The following ARHGEF12 variants were observed in gnomAD, a reference collection of about 807,000 sequenced individuals.
ARHGEF12 encodes Rho guanine nucleotide exchange factor 12, also known as KMT2A/ARHGEF12 fusion protein.
ARHGEF12 carries 66 observed loss-of-function variants against 211.2 expected under a neutral mutation model. The observed-to-expected ratio is 0.31, with a 90% confidence interval of 0.26 to 0.38. ARHGEF12 has a LOEUF of 0.38. Among genes scored for constraint, ARHGEF12 ranks in the 10% least tolerant of loss-of-function variants. ARHGEF12 has a pLI of 1.00. For missense variants in ARHGEF12, 1,429 were observed against 1,869.5 expected, an observed-to-expected ratio of 0.76 and a Z score of 4.34; for synonymous variants, 592 against 638.4, an observed-to-expected ratio of 0.93 and a Z score of 1.09.
chr11:120,387,559 T>C (rs1944076848), intron 1 of ARHGEF12, among the ~76,000 whole-genome samples: 1 of 152,112 alleles, frequency 6.6e-6, no homozygotes, highest in South Asian at 2.1e-4. Context: ...AGGAACTAAG[T>C]GTAAGAATCT....
At chr11:120,416,882 C>T (rs558706229) in intron 4 of ARHGEF12, among the ~76,000 whole-genome samples, 44 of 152,294 alleles carry the variant, frequency 2.9e-4, no homozygotes, top group African/African-American at 1.0e-3. Context: ...AATCTCTTGA[C>T]TTCGTGATCC....
At chr11:120,451,828 T>A (rs1946224014) in intron 22 of ARHGEF12, 104 bp downstream of exon 22, 2 of 1,068,656 alleles carry the variant, frequency 1.9e-6, no homozygotes. Flanking sequence ...AATCCCAGTT[T>A]AATTTAATTT....
At chr11:120,414,028 T>C (rs1944958087) in intron 4 of ARHGEF12, among the ~76,000 whole-genome samples, 1 of 152,184 alleles carries the variant, frequency 6.6e-6, no homozygotes, top group Admixed American at 6.5e-5. Context: ...AATATGATCA[T>C]TGGTAATTAT....
intron 1 of ARHGEF12, among the ~76,000 whole-genome samples, chr11:120,403,656 T>C (rs1944609694): frequency 6.6e-6 from 1 of 152,268 alleles, no homozygotes. Flanking sequence ...CACACACACA[T>C]ATAAGTAAAC....
At chr11:120,473,616 C>G (rs1946941499) in intron 31 of ARHGEF12, among the ~76,000 whole-genome samples, 1 of 152,146 alleles carries the variant, frequency 6.6e-6, no homozygotes, top group Non-Finnish European at 1.5e-5. Flanking sequence ...TCAGGTTGGT[C>G]CAGATTTCCT....
chr11:120,338,686 T>C (rs935641812), intron 1 of ARHGEF12, among the ~76,000 whole-genome samples: 1 of 152,198 alleles, frequency 6.6e-6, no homozygotes, highest in African/African-American at 2.4e-5. Flanking sequence ...TGGGGATAAT[T>C]GTTTTCCTGC....
At chr11:120,393,437 C>T (rs1944281729) in intron 1 of ARHGEF12, among the ~76,000 whole-genome samples, 1 of 151,836 alleles carries the variant, frequency 6.6e-6, no homozygotes, top group African/African-American at 2.4e-5. Flanking sequence ...AAGAAACACA[C>T]CTTAAAATTA....
At chr11:120,368,828 C>T (rs921736420) in intron 1 of ARHGEF12, among the ~76,000 whole-genome samples, 1 of 151,958 alleles carries the variant, frequency 6.6e-6, no homozygotes, top group Non-Finnish European at 1.5e-5. Context: ...ATTATTTTGT[C>T]ACCCAGTTAC....
Position 120,445,702 on chromosome 11 carries a change from C to T in ARHGEF12, c.1345+238C>T, listed in dbSNP as rs202220907. Among the ~76,000 whole-genome samples the T allele has an allele frequency of 3.0e-4, 45 of 151,952 alleles. No individual in the cohort carries two copies. In the East Asian group the frequency reaches 8.1e-3, roughly 28 times the overall value. On this transcript the variant is annotated intron_variant, in intron 16 of 40. Coordinates refer to ENST00000397843, the MANE Select transcript of ARHGEF12 (RefSeq NM_015313.3). ...TTACCTGAGGTCAAGAGTTCGAGAC[C>T]AGCCTTGCCAACATGGTGGAACCCT... is the stretch of plus-strand genomic sequence containing the variant.
intron 2 of ARHGEF12, among the ~76,000 whole-genome samples, chr11:120,406,550 TTTTTATTTTA>T (rs532046130): frequency 3.3e-5 from 5 of 152,084 alleles, no homozygotes; most frequent in East Asian, 1.9e-4. Context: ...ATTACTTTAT[TTTTTATTTTA>T]TTTTATTTTA....
intron 1 of ARHGEF12, among the ~76,000 whole-genome samples, chr11:120,355,943 A>AAT (rs1943119227): frequency 6.6e-6 from 1 of 152,210 alleles, no homozygotes; most frequent in Non-Finnish European, 1.5e-5. Flanking sequence ...CAGGCATTCA[A>AAT]GGCCAAAGGT....
rs1197688931 is a variant in ARHGEF12, at chr11:120,369,240, C to A, written c.32+31965C>A. Among the ~76,000 whole-genome samples, 5 of 151,688 alleles carry A rather than the reference C, an allele frequency of 3.3e-5. No individual in the cohort carries two copies. The East Asian group carries it at 9.7e-4, about 29-fold the overall frequency. On this transcript the variant is annotated intron_variant, in intron 1 of 40. Transcript: ENST00000397843. Reference sequence around the variant, plus strand: ...GCCTCCAGGGTTCAAGTAATTCTCCCACCTCAGCCTCCCGAGTAGCTGGGA... The same window carrying A: ...GCCTCCAGGGTTCAAGTAATTCTCCAACCTCAGCCTCCCGAGTAGCTGGGA...
intron 37 of ARHGEF12, among the ~76,000 whole-genome samples, chr11:120,479,348 C>T (rs1219982645): frequency 6.6e-6 from 1 of 152,170 alleles, no homozygotes; most frequent in Non-Finnish European, 1.5e-5. Flanking sequence ...ATTTTTTATA[C>T]CTTCTCCTGA....
rs1360398762 is a variant in ARHGEF12, at chr11:120,489,352, T to C, written c.*4275T>C. On this transcript the variant is annotated 3_prime_UTR_variant, in exon 41 of 41. Coordinates refer to ENST00000397843, the MANE Select transcript of ARHGEF12 (RefSeq NM_015313.3). ...ATTGATTTTTAATTGTGGTGAAATA[T>C]ATATATAACAAAATTTGCTATTGTA... The C allele has an allele frequency of 2.2e-5, 5 of 224,976 alleles. No homozygotes were observed. The highest frequency in any genetic ancestry group is 1.1e-4 in the African/African-American group (5 of 44,942). 13.9% of individuals were successfully genotyped at this position (224,976 alleles called of 1,614,324 possible).
At chr11:120,460,530 A>C (rs1040916622) in intron 26 of ARHGEF12, 142 bp from the exon 27 acceptor site, 4 of 592,056 alleles carry the variant, frequency 6.8e-6, no homozygotes, top group African/African-American at 1.9e-5. Flanking sequence ...CTATGTCCAG[A>C]TTTATATTTA....
intron 1 of ARHGEF12, among the ~76,000 whole-genome samples, chr11:120,387,796 A>G (rs1944084810): frequency 2.0e-5 from 3 of 152,164 alleles, no homozygotes. Context: ...CAAATGCTGT[A>G]AATTTACAGT....
At chr11:120,452,702 A>G (rs1262151975) in intron 22 of ARHGEF12, among the ~76,000 whole-genome samples, 1 of 152,226 alleles carries the variant, frequency 6.6e-6, no homozygotes, top group Non-Finnish European at 1.5e-5. Flanking sequence ...AAGAGATTAT[A>G]CAGGAAGACA....
At chr11:120,449,485 G>A (rs1362213076) in intron 21 of ARHGEF12, 3 of 333,424 alleles carry the variant, frequency 9.0e-6, no homozygotes, top group African/African-American at 6.3e-5. Context: ...CGGATCACAA[G>A]TTCAGGAGAT....
Position 120,465,227 on chromosome 11 carries a change from C to T in ARHGEF12, c.2614-10C>T, listed in dbSNP as rs200135606. ...CATTCTCTTTTGTGTTCTTTGCATT[C>T]TTGGCACAGTTCAGCGGACCAGGAG... On this transcript the variant is annotated splice_polypyrimidine_tract_variant and intron_variant, in intron 27 of 40. Coordinates refer to ENST00000397843, the MANE Select transcript of ARHGEF12 (RefSeq NM_015313.3). 1.9e-6 allele frequency: 3 copies of T among 1,613,804 alleles called. No individual in the cohort carries two copies. Among genetic ancestry groups the T allele is most frequent in the Non-Finnish European group, 2.5e-6 (3 of 1,179,968 alleles).
Sources: gnomAD v4.1 joint callset for allele counts (sites outside exome capture counted in the v4.1 genomes callset) on GRCh38, gnomAD v4.1.1 for gene constraint, MANE v1.5 for transcripts, NCBI Gene and HGNC (gene_info 2026-07-23, HGNC 2026-07-21) for gene names.